Variants in GRM1 observed in about 807,000 individuals in gnomAD.
The protein encoded by GRM1 is glutamate metabotropic receptor 1.
In GRM1, 33 loss-of-function variants were observed where a neutral mutation model predicts 90.9. That is an observed-to-expected ratio of 0.36 (90% CI 0.28 to 0.49). The LOEUF (loss-of-function observed/expected upper bound fraction) is 0.49, where lower values mean the gene tolerates loss of function less well. GRM1 is among the 20% of genes least tolerant of loss of function. GRM1 has a pLI of 0.99. For missense variants in GRM1, 1,190 were observed against 1,534.3 expected (o/e 0.78, Z 3.75); for synonymous variants, 700 against 613.2 (o/e 1.14, Z -2.09).
intron 6 of GRM1, among the ~76,000 whole-genome samples, chr6:146,392,428 G>A (rs143079651): frequency 6.6e-6 from 1 of 152,154 alleles, no homozygotes; most frequent in Non-Finnish European, 1.5e-5. Flanking sequence ...TGTTACATGA[G>A]TGTCTTCTAC....
At chr6:146,112,807 C>G (rs528103599) in intron 1 of GRM1, among the ~76,000 whole-genome samples, 2 of 152,052 alleles carry the variant, frequency 1.3e-5, no homozygotes, top group Non-Finnish European at 1.5e-5. Context: ...ATTGGTGGCC[C>G]TTTTTGTTGT....
chr6:146,054,538 T>C (rs1775411735), intron 1 of GRM1, among the ~76,000 whole-genome samples: 1 of 152,088 alleles, frequency 6.6e-6, no homozygotes, highest in African/African-American at 2.4e-5. Flanking sequence ...TAAAATATTC[T>C]ATCCATAGAC....
intron 1 of GRM1, among the ~76,000 whole-genome samples, chr6:146,043,794 T>TATATATATATAGATAG (rs1562424359): frequency 1.5e-5 from 2 of 136,844 alleles, no homozygotes; most frequent in Non-Finnish European, 1.6e-5. Context: ...TATATATATA[T>TATATATATATAGATAG]ATATATATAT....
chr6:146,360,307 A>T (rs1295934778), intron 5 of GRM1, among the ~76,000 whole-genome samples: 3 of 152,074 alleles, frequency 2.0e-5, no homozygotes, highest in African/African-American at 7.2e-5. Flanking sequence ...TATGTTATTG[A>T]TTTTTAGAAT....
At chr6:146,087,693 G>A (rs189930950) in intron 1 of GRM1, among the ~76,000 whole-genome samples, 132 of 152,270 alleles carry the variant, frequency 8.7e-4, no homozygotes, top group Non-Finnish European at 8.8e-4. Flanking sequence ...AAATCATACA[G>A]TATGTGACCT....
intron 2 of GRM1, among the ~76,000 whole-genome samples, chr6:146,223,337 T>C (rs1780134833): frequency 6.6e-6 from 1 of 152,088 alleles, no homozygotes; most frequent in Non-Finnish European, 1.5e-5. Context: ...ATGTCCTGAT[T>C]TTATCCTTCA....
chr6:146,062,441 A>G (rs922822124), intron 1 of GRM1, among the ~76,000 whole-genome samples: 2 of 151,850 alleles, frequency 1.3e-5, no homozygotes, highest in Admixed American at 1.3e-4. Context: ...ATGTATACCT[A>G]TGTAACAAAC....
At chr6:146,235,911 G>A (rs1780632101) in intron 2 of GRM1, among the ~76,000 whole-genome samples, 1 of 151,788 alleles carries the variant, frequency 6.6e-6, no homozygotes, top group Admixed American at 6.6e-5. Context: ...CAACATCTGG[G>A]TCATGTCTGT....
At chr6:146,175,328 A>G (rs757278094) in intron 2 of GRM1, among the ~76,000 whole-genome samples, 6 of 152,218 alleles carry the variant, frequency 3.9e-5, no homozygotes, top group Non-Finnish European at 8.8e-5. Context: ...AAATTTTTCA[A>G]TGACACCATT....
chr6:146,334,051 C>T (rs1489682602), intron 3 of GRM1, among the ~76,000 whole-genome samples: 1 of 152,210 alleles, frequency 6.6e-6, no homozygotes, highest in African/African-American at 2.4e-5. Context: ...TCTTCCAGCA[C>T]TTCCTGTTTC....
At chr6:146,158,427 C>CCATTAATCCACTAATCCTCTAATA (rs1777598092) in intron 1 of GRM1, among the ~76,000 whole-genome samples, 1 of 151,474 alleles carries the variant, frequency 6.6e-6, no homozygotes, top group African/African-American at 2.4e-5. Flanking sequence ...TGTTTGACAT[C>CCATTAATCCACTAATCCTCTAATA]CACATTCAGA....
intron 1 of GRM1, among the ~76,000 whole-genome samples, chr6:146,081,476 A>G (rs1232760056): frequency 6.6e-6 from 1 of 152,186 alleles, no homozygotes; most frequent in Non-Finnish European, 1.5e-5. Context: ...GGAACGGCTC[A>G]CAGAAGCTTG....
At chr6:146,069,958 G>A (rs1274102073) in intron 1 of GRM1, among the ~76,000 whole-genome samples, 1 of 152,138 alleles carries the variant, frequency 6.6e-6, no homozygotes, top group Admixed American at 6.5e-5. Context: ...TAAGATGGAG[G>A]AGATGGGATT....
In GRM1 at chr6:146,434,655, G is replaced by T; in HGVS notation, c.3444G>T (p.Pro1148=). 1 of 1,609,300 alleles carries T rather than the reference G, an allele frequency of 6.2e-7. No individual in the cohort carries two copies. ...ATGATTCGCCTGCGCTGACGCCTCC[G>T]TCGCCTTTCCGCGACTCGGTGGCCT... ...TPDDSPALTP[P]SPFRDSVASG... is the part of the protein sequence containing the mutation. Residue 1148 remains proline, a synonymous_variant, in exon 8 of 8, where the codon CCG becomes CCT. Coordinates refer to ENST00000282753, the MANE Select transcript of GRM1 (RefSeq NM_001278064.2).
At chr6:146,034,717 G>A (rs1790822985) in intron 1 of GRM1, among the ~76,000 whole-genome samples, 1 of 151,838 alleles carries the variant, frequency 6.6e-6, no homozygotes, top group Non-Finnish European at 1.5e-5. Context: ...AAACTACCTG[G>A]CTAATTCTGG....
At chr6:146,270,550 C>T (rs1186053675) in intron 2 of GRM1, among the ~76,000 whole-genome samples, 9 of 152,016 alleles carry the variant, frequency 5.9e-5, no homozygotes, top group African/African-American at 1.9e-4. Flanking sequence ...GTGCTCTGGC[C>T]CCAAGGCAGG....
chr6:146,433,579 A>C (rs1354848657), intron 7 of GRM1, among the ~76,000 whole-genome samples: 1 of 151,462 alleles, frequency 6.6e-6, no homozygotes, highest in African/African-American at 2.4e-5. Flanking sequence ...ACAGAGGGAG[A>C]GGGAGAGAGT....
At chr6:146,282,258 T>C (rs1782595545) in intron 2 of GRM1, among the ~76,000 whole-genome samples, 1 of 152,310 alleles carries the variant, frequency 6.6e-6, no homozygotes, top group South Asian at 2.1e-4. Flanking sequence ...AAGGCCTTCA[T>C]TGTCCACCTT....
At chr6:146,280,685 C>T (rs1169739338) in intron 2 of GRM1, among the ~76,000 whole-genome samples, 4 of 152,110 alleles carry the variant, frequency 2.6e-5, no homozygotes, top group South Asian at 2.1e-4. Context: ...GTGGCATGAT[C>T]GTGGCTCACT....
Sources: allele counts gnomAD v4.1 joint callset (sites outside exome capture counted in the v4.1 genomes callset), GRCh38; gene constraint gnomAD v4.1.1; transcripts MANE v1.5; gene names NCBI Gene and HGNC (gene_info 2026-07-23, HGNC 2026-07-21).